Variants in CLPB observed in about 807,000 individuals in gnomAD.
The protein encoded by CLPB is mitochondrial disaggregase.
CLPB carries 40 observed loss-of-function variants against 78.4 expected under a neutral mutation model. The ratio of observed to expected loss-of-function variants is 0.51; its 90% CI spans 0.40 to 0.66. The LOEUF (loss-of-function observed/expected upper bound fraction) is 0.66, where lower values mean the gene tolerates loss of function less well. Ranked by LOEUF, CLPB falls within the 30% of genes least tolerant of loss-of-function variation. CLPB has a pLI of 0.00. For synonymous variants in CLPB, 333 were observed against 348.0 expected (o/e 0.96, Z 0.48); for missense variants, 780 against 886.9 (o/e 0.88, Z 1.53).
At chr11:72,387,859 A>T (rs1186240557) in intron 3 of CLPB, among the ~76,000 whole-genome samples, 1 of 152,162 alleles carries the variant, frequency 6.6e-6, no homozygotes, top group East Asian at 1.9e-4. Flanking sequence ...CCAAGTGTCG[A>T]TCTAAACTCA....
chr11:72,350,272 A>C (rs544644993), intron 5 of CLPB, among the ~76,000 whole-genome samples: 1 of 150,302 alleles, frequency 6.7e-6, no homozygotes, highest in Non-Finnish European at 1.5e-5. Flanking sequence ...AAATTGGACT[A>C]GACTGCTGGA....
intron 3 of CLPB, among the ~76,000 whole-genome samples, chr11:72,391,009 C>T (rs1325237305): frequency 6.6e-6 from 1 of 152,170 alleles, no homozygotes; most frequent in Non-Finnish European, 1.5e-5. Context: ...ATACATGCAA[C>T]AACATAGATG....
chr11:72,370,138 G>A (rs1192592452), intron 4 of CLPB, among the ~76,000 whole-genome samples: 1 of 152,060 alleles, frequency 6.6e-6, no homozygotes, highest in Non-Finnish European at 1.5e-5. Flanking sequence ...TGTGGGACCC[G>A]TCCCTGATTT....
At chr11:72,331,329 G>A (rs978644025) in intron 5 of CLPB, among the ~76,000 whole-genome samples, 9 of 151,520 alleles carry the variant, frequency 5.9e-5, no homozygotes, top group Non-Finnish European at 5.9e-5. Context: ...GTGTGAACCC[G>A]GGAGGCGGAG....
At chr11:72,359,528 T>C (rs1590844114) in intron 4 of CLPB, among the ~76,000 whole-genome samples, 1 of 152,086 alleles carries the variant, frequency 6.6e-6, no homozygotes, top group East Asian at 1.9e-4. Context: ...TTAATATACC[T>C]CTCTGCTCTG....
At chr11:72,412,575 T>C (rs1275702395) in intron 2 of CLPB, among the ~76,000 whole-genome samples, 2 of 152,232 alleles carry the variant, frequency 1.3e-5, no homozygotes, top group Admixed American at 6.5e-5. Context: ...GATCTATATA[T>C]GAGCCTGCCT....
At chr11:72,395,469 T>C (rs528818730) in intron 3 of CLPB, among the ~76,000 whole-genome samples, 1 of 152,222 alleles carries the variant, frequency 6.6e-6, no homozygotes, top group Non-Finnish European at 1.5e-5. Flanking sequence ...TGGACAACCT[T>C]GGACAACTCT....
At chr11:72,386,145 T>C (rs1268687341) in intron 3 of CLPB, among the ~76,000 whole-genome samples, 4 of 152,218 alleles carry the variant, frequency 2.6e-5, no homozygotes. Flanking sequence ...AGAGTAGTTT[T>C]TTTCTTCTTT....
chr11:72,407,685 C>T (rs1404053489), intron 2 of CLPB, among the ~76,000 whole-genome samples: 2 of 149,994 alleles, frequency 1.3e-5, no homozygotes, highest in South Asian at 2.1e-4. Flanking sequence ...CTCGTTCTGT[C>T]GCCCAGGCTG....
chr11:72,348,404 T>TACCC (rs1555096011), intron 5 of CLPB, among the ~76,000 whole-genome samples: 5 of 152,192 alleles, frequency 3.3e-5, no homozygotes, highest in African/African-American at 1.2e-4. Context: ...CCCATCTCCC[T>TACCC]ACCCCTTTAT....
intron 2 of CLPB, among the ~76,000 whole-genome samples, chr11:72,423,177 T>C (rs766889138): frequency 3.9e-5 from 6 of 152,238 alleles, no homozygotes; most frequent in Non-Finnish European, 7.3e-5. Flanking sequence ...CAACATGGCA[T>C]GTATAGTGGG....
intron 4 of CLPB, among the ~76,000 whole-genome samples, chr11:72,379,338 G>A (rs889637299): frequency 3.9e-5 from 6 of 152,192 alleles, no homozygotes; most frequent in Admixed American, 1.3e-4. Context: ...CAGAGGGATC[G>A]CAGCCTCTGT....
chr11:72,425,522 A>T (rs1856348399), intron 2 of CLPB, among the ~76,000 whole-genome samples: 1 of 152,098 alleles, frequency 6.6e-6, no homozygotes, highest in African/African-American at 2.4e-5. Flanking sequence ...CAGAGGGCAC[A>T]CGAGCTCCTC....
intron 2 of CLPB, among the ~76,000 whole-genome samples, chr11:72,404,360 A>G (rs993904006): frequency 6.6e-6 from 1 of 152,244 alleles, no homozygotes; most frequent in Admixed American, 6.5e-5. Context: ...TTGGGTTTGA[A>G]TCCTAGCACC....
chr11:72,381,808 G>A (rs1164423891), intron 3 of CLPB, among the ~76,000 whole-genome samples: 1 of 152,112 alleles, frequency 6.6e-6, no homozygotes, highest in Non-Finnish European at 1.5e-5. Flanking sequence ...CTTAGGCACT[G>A]GGCCAGCACC....
chr11:72,335,946 G>C (rs189257560), intron 5 of CLPB, among the ~76,000 whole-genome samples: 1 of 152,132 alleles, frequency 6.6e-6, no homozygotes, highest in South Asian at 2.1e-4. Flanking sequence ...GGTCCCAGAA[G>C]CCTCTCTGCC....
At chr11:72,414,323 G>A (rs1162048559) in intron 2 of CLPB, among the ~76,000 whole-genome samples, 1 of 152,208 alleles carries the variant, frequency 6.6e-6, no homozygotes, top group Non-Finnish European at 1.5e-5. Context: ...CAGGACCTGA[G>A]GTGTGGGAAA....
chr11:72,426,592 C>T (rs938735733), intron 2 of CLPB, among the ~76,000 whole-genome samples: 2 of 152,096 alleles, frequency 1.3e-5, no homozygotes, highest in Non-Finnish European at 2.9e-5. Context: ...AGAGACCTGG[C>T]CTCCCTCTGA....
chr11:72,403,462 A>G (rs1311078815), intron 2 of CLPB, among the ~76,000 whole-genome samples: 1 of 152,154 alleles, frequency 6.6e-6, no homozygotes, highest in Non-Finnish European at 1.5e-5. Context: ...CTCTCATGCT[A>G]TTTAATACAA....
Sources: gnomAD v4.1 joint callset for allele counts (sites outside exome capture counted in the v4.1 genomes callset) on GRCh38, gnomAD v4.1.1 for gene constraint, MANE v1.5 for transcripts, NCBI Gene and HGNC (gene_info 2026-07-23, HGNC 2026-07-21) for gene names.